RBFOX1: variants seen among roughly 807,000 people sequenced by gnomAD.
RBFOX1 encodes RNA binding fox-1 homolog 1.
In RBFOX1, 8 loss-of-function variants were observed where a neutral mutation model predicts 57.7. The observed-to-expected ratio is 0.14, with a 90% CI of 0.08 to 0.25. The LOEUF (loss-of-function observed/expected upper bound fraction) is 0.25, where lower values mean the gene tolerates loss of function less well. Ranked by LOEUF, RBFOX1 falls within the 10% of genes least tolerant of loss-of-function variation. The pLI, the probability that RBFOX1 is intolerant of heterozygous loss-of-function variation, is 1.00. For synonymous variants in RBFOX1, 326 were observed against 222.4 expected, an observed-to-expected ratio of 1.47 and a Z score of -4.15; for missense variants, 611 against 548.5, an observed-to-expected ratio of 1.11 and a Z score of -1.14.
chr16:6,542,980 C>T (rs1388857523), intron 2 of RBFOX1, among the ~76,000 whole-genome samples: 1 of 152,106 alleles, frequency 6.6e-6, no homozygotes, highest in African/African-American at 2.4e-5. Flanking sequence ...ATCCTGGATG[C>T]CCTACTCTTT....
At chr16:6,676,891 GT>G (rs2057815442) in intron 3 of RBFOX1, among the ~76,000 whole-genome samples, 1 of 151,864 alleles carries the variant, frequency 6.6e-6, no homozygotes, top group African/African-American at 2.4e-5. Flanking sequence ...GGCCATGCTG[GT>G]TTTGAACCCT....
intron 3 of RBFOX1, among the ~76,000 whole-genome samples, chr16:6,988,938 A>G (rs932045089): frequency 2.0e-5 from 3 of 151,820 alleles, no homozygotes; most frequent in African/African-American, 7.3e-5. Flanking sequence ...TGCCTGGCTA[A>G]TTTTTAGTTG....
chr16:6,957,612 A>T (rs150680244), intron 3 of RBFOX1, among the ~76,000 whole-genome samples: 1 of 152,126 alleles, frequency 6.6e-6, no homozygotes, highest in East Asian at 1.9e-4. Flanking sequence ...AACCTGTTTT[A>T]TCAGCAAGGT....
chr16:5,861,513 G>A (rs972215336), intron 3 of RBFOX1, among the ~76,000 whole-genome samples: 1 of 152,174 alleles, frequency 6.6e-6, no homozygotes, highest in African/African-American at 2.4e-5. Context: ...TATTCAATTT[G>A]CTCTCCCACC....
intron 2 of RBFOX1, among the ~76,000 whole-genome samples, chr16:6,479,093 T>C (rs2095329577): frequency 6.6e-6 from 1 of 152,182 alleles, no homozygotes; most frequent in African/African-American, 2.4e-5. Flanking sequence ...TGCCTGTGTG[T>C]GTGTGTGTTT....
chr16:5,655,963 G>C (rs990327164), intron 3 of RBFOX1, among the ~76,000 whole-genome samples: 1 of 152,204 alleles, frequency 6.6e-6, no homozygotes, highest in Non-Finnish European at 1.5e-5. Flanking sequence ...GATGGTCACT[G>C]TGTCTGTCTT....
At chr16:7,585,464 A>G (rs1400297737) in intron 6 of RBFOX1, among the ~76,000 whole-genome samples, 1 of 152,064 alleles carries the variant, frequency 6.6e-6, no homozygotes, top group Non-Finnish European at 1.5e-5. Flanking sequence ...TTCTCTTCTG[A>G]GTATTTTCTC....
intron 2 of RBFOX1, among the ~76,000 whole-genome samples, chr16:6,350,444 G>GAA (rs569363563): frequency 4.0e-5 from 3 of 74,666 alleles, no homozygotes; most frequent in African/African-American, 5.7e-5. Flanking sequence ...TCTGTCTCAA[G>GAA]AAAAAAAAAA....
intron 2 of RBFOX1, among the ~76,000 whole-genome samples, chr16:6,343,606 C>T (rs2084898100): frequency 6.6e-6 from 1 of 152,064 alleles, no homozygotes; most frequent in Non-Finnish European, 1.5e-5. Flanking sequence ...AAAACAAAAC[C>T]AAATAAGGTA....
chr16:6,620,277 C>A (rs1443054291), intron 2 of RBFOX1, among the ~76,000 whole-genome samples: 2 of 152,114 alleles, frequency 1.3e-5, no homozygotes, highest in Non-Finnish European at 2.9e-5. Context: ...AGGCAGAAAT[C>A]AAGAAGTTCT....
intron 4 of RBFOX1, among the ~76,000 whole-genome samples, chr16:7,120,281 TA>T (rs71147656): frequency 0.2 from 31,059 of 151,528 alleles, 4,022 homozygotes; most frequent in East Asian, 0.51. Flanking sequence ...AAGAGACTAT[TA>T]AAAAAAGCAA....
intron 1 of RBFOX1, among the ~76,000 whole-genome samples, chr16:6,173,604 CTTTTTTTTT>C (rs35528338): frequency 1.4e-5 from 1 of 70,948 alleles, no homozygotes; most frequent in Non-Finnish European, 2.4e-5. Flanking sequence ...TGACCACTCC[CTTTTTTTTT>C]TTTTTTTTTT....
chr16:5,704,264 G>A (rs2051156036), intron 3 of RBFOX1, among the ~76,000 whole-genome samples: 1 of 152,170 alleles, frequency 6.6e-6, no homozygotes, highest in Non-Finnish European at 1.5e-5. Flanking sequence ...GTTATGCAAA[G>A]AGAAGCCCCA....
At chr16:6,880,575 A>G (rs2062734948) in intron 3 of RBFOX1, among the ~76,000 whole-genome samples, 1 of 152,158 alleles carries the variant, frequency 6.6e-6, no homozygotes, top group Non-Finnish European at 1.5e-5. Flanking sequence ...GAAGGCCAGA[A>G]TCTGTTTTTC....
chr16:7,006,589 A>G (rs1596726978), intron 3 of RBFOX1, among the ~76,000 whole-genome samples: 1 of 152,230 alleles, frequency 6.6e-6, no homozygotes, highest in East Asian at 1.9e-4. Context: ...AGGTAGGACT[A>G]GAGTTGGGAA....
intron 3 of RBFOX1, among the ~76,000 whole-genome samples, chr16:6,777,417 C>G (rs1343617197): frequency 2.0e-5 from 3 of 152,180 alleles, no homozygotes; most frequent in Non-Finnish European, 1.5e-5. Flanking sequence ...GGAACAGGGA[C>G]AAAGAAACCA....
chr16:6,562,809 C>A (rs150499564), intron 2 of RBFOX1, among the ~76,000 whole-genome samples: 1 of 147,470 alleles, frequency 6.8e-6, no homozygotes, highest in Non-Finnish European at 1.5e-5. Context: ...GTGTAAGCAA[C>A]TGCAGGCCTT....
chr16:6,743,463 G>A (rs1477213138), intron 3 of RBFOX1, among the ~76,000 whole-genome samples: 1 of 152,106 alleles, frequency 6.6e-6, no homozygotes, highest in East Asian at 1.9e-4. Flanking sequence ...TGTTGATAAG[G>A]ATGAATGGTA....
chr16:5,502,900 A>G (rs1335002436), intron 2 of RBFOX1, among the ~76,000 whole-genome samples: 1 of 152,210 alleles, frequency 6.6e-6, no homozygotes, highest in Non-Finnish European at 1.5e-5. Flanking sequence ...TGAACAATAC[A>G]GTCCCTAGAA....
Sources: gnomAD v4.1 joint callset for allele counts (sites outside exome capture counted in the v4.1 genomes callset) on GRCh38, gnomAD v4.1.1 for gene constraint, MANE v1.5 for transcripts, NCBI Gene and HGNC (gene_info 2026-07-23, HGNC 2026-07-21) for gene names.